Variants in NFAT5 observed in about 807,000 individuals in gnomAD.
NFAT5 encodes nuclear factor of activated T-cells 5.
NFAT5 carries 31 observed loss-of-function variants against 166.5 expected under a neutral mutation model. The observed-to-expected ratio is 0.19, with a 90% confidence interval of 0.14 to 0.25. The LOEUF is 0.25. NFAT5 is among the 10% of genes least tolerant of loss of function. NFAT5 has a pLI of 1.00. For synonymous variants in NFAT5, 612 were observed against 639.7 expected, an observed-to-expected ratio of 0.96 and a Z score of 0.65; for missense variants, 1,449 against 1,821.8, an observed-to-expected ratio of 0.80 and a Z score of 3.72.
intron 2 of NFAT5, among the ~76,000 whole-genome samples, chr16:69,589,814 G>A (rs2032346130): frequency 6.6e-6 from 1 of 151,974 alleles, no homozygotes; most frequent in Non-Finnish European, 1.5e-5. Context: ...TTTCTTCTCT[G>A]TATCTTTTTT....
chr16:69,659,245 C>T (rs536796492), intron 6 of NFAT5, among the ~76,000 whole-genome samples: 23 of 151,816 alleles, frequency 1.5e-4, no homozygotes, highest in African/African-American at 4.6e-4. Flanking sequence ...AGTTCAAGAC[C>T]GGCCTGGCCA....
chr16:69,664,520 C>T (rs1047874858), intron 7 of NFAT5, among the ~76,000 whole-genome samples: 3 of 152,008 alleles, frequency 2.0e-5, no homozygotes, highest in Non-Finnish European at 2.9e-5. Flanking sequence ...CTCCTGACCT[C>T]GTGATCCGCC....
intron 7 of NFAT5, among the ~76,000 whole-genome samples, chr16:69,664,752 G>A (rs1370749506): frequency 6.6e-6 from 1 of 152,106 alleles, no homozygotes; most frequent in Non-Finnish European, 1.5e-5. Context: ...ACTTGGTCGG[G>A]CGCAGTGGCT....
chr16:69,603,471 A>T (rs535147842), intron 2 of NFAT5, among the ~76,000 whole-genome samples: 2 of 152,294 alleles, frequency 1.3e-5, no homozygotes, highest in East Asian at 3.9e-4. Flanking sequence ...AAAATAGAAC[A>T]TATCAGCCAG....
In NFAT5 at chr16:69,688,575, T is replaced by C. The variant is rs555998391; in HGVS notation, c.1775-2365T>C. The stretch of plus-strand genomic sequence containing the variant: ...TTAGTAGAGACGGGGTTTCACCATG[T>C]TGGTCAGGCTGGCGAACTCCTGACC... On this transcript the variant is annotated intron_variant, in intron 11 of 14. Transcript: ENST00000349945. Among the ~76,000 whole-genome samples the C allele has an allele frequency of 1.8e-4, 27 of 152,218 alleles. 1 individual carries two copies. The highest frequency in any genetic ancestry group is 6.5e-4 in the African/African-American group (27 of 41,538).
intron 7 of NFAT5, among the ~76,000 whole-genome samples, chr16:69,665,140 TTAAAG>T (rs2036314849): frequency 6.6e-6 from 1 of 152,116 alleles, no homozygotes; most frequent in Non-Finnish European, 1.5e-5. Context: ...CTCGTAAACT[TTAAAG>T]AAAGGACCTT....
Position 69,700,190 on chromosome 16 carries a change from T to C in NFAT5, c.*3839T>C, listed in dbSNP as rs2037874375. The C allele has an allele frequency of 6.6e-6, 1 of 151,472 alleles. No homozygotes were observed. Among genetic ancestry groups the C allele is most frequent in the South Asian group, 2.1e-4 (1 of 4,726 alleles). 9.4% of individuals were successfully genotyped at this position (151,472 alleles called of 1,614,324 possible). ...CTTCCCTTATTCCTCCCTCCCTCCT[T>C]TCTCCCTTCCTTCCTTTCTTCCATT... On this transcript the variant is annotated 3_prime_UTR_variant, in exon 15 of 15. Transcript: ENST00000349945.
chr16:69,670,394 G>T, intron 9 of NFAT5, 106 bp downstream of exon 9: 2 of 674,116 alleles, frequency 3.0e-6, no homozygotes, highest in Non-Finnish European at 5.0e-6. Flanking sequence ...CTTCCTATGG[G>T]ATTGATATGA....
chr16:69,657,649 A>G (rs1327014509), intron 6 of NFAT5, among the ~76,000 whole-genome samples: 2 of 148,172 alleles, frequency 1.3e-5, no homozygotes, highest in African/African-American at 2.5e-5. Context: ...AATCCAAGCT[A>G]CTTGGGAGGC....
chr16:69,567,823 A>G lies in NFAT5; in HGVS notation c.74-672A>G, dbSNP rs28422060. 1.5e-3 allele frequency among the ~76,000 whole-genome samples: 224 copies of G among 152,324 alleles called. 2 individuals are homozygous for G. Among genetic ancestry groups the G allele is most frequent in the African/African-American group, 5.1e-3 (210 of 41,584 alleles). On this transcript the variant is annotated intron_variant, in intron 1 of 14. Coordinates refer to ENST00000349945, the MANE Select transcript of NFAT5 (RefSeq NM_138713.4). ...AGACATATCAAGAGATGATTCTTAG[A>G]GCAGGGCTAATGTGTTAGAATTGAG...
intron 2 of NFAT5, among the ~76,000 whole-genome samples, chr16:69,594,423 T>C (rs1370939562): frequency 6.6e-6 from 1 of 152,216 alleles, no homozygotes. Context: ...ACCAGTGTTG[T>C]ATATTAATTA....
At chr16:69,612,354 T>C (rs1213898443) in intron 2 of NFAT5, among the ~76,000 whole-genome samples, 1 of 152,200 alleles carries the variant, frequency 6.6e-6, no homozygotes, top group Non-Finnish European at 1.5e-5. Context: ...AGATGGTACA[T>C]GTAGGAAATT....
At chr16:69,579,915 G>T (rs1366736522) in intron 2 of NFAT5, among the ~76,000 whole-genome samples, 1 of 152,148 alleles carries the variant, frequency 6.6e-6, no homozygotes, top group African/African-American at 2.4e-5. Flanking sequence ...ACGAGGAATG[G>T]ATGAGTTAAT....
chr16:69,600,145 T>C (rs1221961779), intron 2 of NFAT5, among the ~76,000 whole-genome samples: 1 of 137,996 alleles, frequency 7.2e-6, no homozygotes, highest in African/African-American at 2.8e-5. Flanking sequence ...GATTCATTTC[T>C]CTGGGAAAAA....
chr16:69,632,871 C>A (rs991611956), intron 3 of NFAT5, among the ~76,000 whole-genome samples: 3 of 152,130 alleles, frequency 2.0e-5, no homozygotes, highest in African/African-American at 7.2e-5. Context: ...GAAAACTAGA[C>A]CATTTCTAGA....
chr16:69,576,852 A>C (rs1386933276), intron 2 of NFAT5, among the ~76,000 whole-genome samples: 3 of 152,210 alleles, frequency 2.0e-5, no homozygotes, highest in Non-Finnish European at 4.4e-5. Context: ...AAGTAGGAGA[A>C]GGCTAAGCAG....
In NFAT5 at chr16:69,693,046, A is replaced by G. The variant is rs2037615413; in HGVS notation, c.3221A>G (p.Gln1074Arg). ...FQQGNEMMSLQSGNFLQQSSH... is the reference protein window; with the variant it reads ...FQQGNEMMSLRSGNFLQQSSH... ...CAAGGGAATGAGATGATGTCACTTC[A>G]ATCTGGAAATTTTTTGCAGCAGTCT... The change falls in exon 13 of 15, where the codon CAA (glutamine) becomes CGA (arginine). Residue 1074 changes from glutamine (Q) to arginine (R), a missense_variant. By Grantham distance (43) the Gln-to-Arg change is conservative. Coordinates refer to ENST00000349945, the MANE Select transcript of NFAT5 (RefSeq NM_138713.4). 1 of 1,614,014 alleles carries G rather than the reference A, an allele frequency of 6.2e-7. No homozygotes were observed. Among genetic ancestry groups the G allele is most frequent in the Admixed American group, 1.7e-5 (1 of 60,022 alleles).
At chr16:69,656,483 C>T (rs1249972135) in intron 6 of NFAT5, among the ~76,000 whole-genome samples, 2 of 150,388 alleles carry the variant, frequency 1.3e-5, no homozygotes, top group East Asian at 1.9e-4. Flanking sequence ...ACAGAGTCTC[C>T]GTCTGTCGCC....
chr16:69,596,721 A>G (rs1249791055), intron 2 of NFAT5, among the ~76,000 whole-genome samples: 1 of 151,628 alleles, frequency 6.6e-6, no homozygotes, highest in Non-Finnish European at 1.5e-5. Flanking sequence ...CTATCTTAAA[A>G]AAAAAAAAAA....
Sources: gnomAD v4.1 joint callset for allele counts (sites outside exome capture counted in the v4.1 genomes callset) on GRCh38, gnomAD v4.1.1 for gene constraint, MANE v1.5 for transcripts, NCBI Gene and HGNC (gene_info 2026-07-23, HGNC 2026-07-21) for gene names.